The following E2F2 variants were observed in gnomAD, a reference collection of about 807,000 sequenced individuals.
The protein encoded by E2F2 is transcription factor E2F2.
In E2F2, 22 loss-of-function variants were observed where a neutral mutation model predicts 42.2. That is an observed-to-expected ratio of 0.52 (90% confidence interval 0.37 to 0.74). E2F2 has a LOEUF of 0.74. Ranked by LOEUF, E2F2 falls within the 30% of genes least tolerant of loss-of-function variation. E2F2 has a pLI of 0.00. For missense variants in E2F2, 481 were observed against 557.8 expected, an observed-to-expected ratio of 0.86 and a Z score of 1.39; for synonymous variants, 248 against 251.6, an observed-to-expected ratio of 0.99 and a Z score of 0.13.
At chr1:23,525,691 C>T (rs972274962) in intron 1 of E2F2, among the ~76,000 whole-genome samples, 2 of 152,178 alleles carry the variant, frequency 1.3e-5, no homozygotes, top group Non-Finnish European at 2.9e-5. Context: ...AGCTCCTGCT[C>T]CTTTAACTTC....
rs1441882697 is a variant in E2F2, at chr1:23,516,500, T to C, written c.880A>G (p.Thr294Ala). 1.9e-6 allele frequency: 3 copies of C among 1,607,848 alleles called. No homozygotes were observed. Among genetic ancestry groups the C allele is most frequent in the Non-Finnish European group, 2.5e-6 (3 of 1,177,528 alleles). Residue 294 changes from threonine (T) to alanine (A), a missense_variant, in exon 6 of 7, where the codon ACC becomes GCC. Thr to Ala is a moderately conservative substitution (Grantham distance 58). Transcript: ENST00000361729. Reference sequence around the variant, plus strand: ...AGGTAGACTTCGATGGGCCCTTGGGTGCTCTTGAGATATATCTGCAGGTTG... The same window carrying C: ...AGGTAGACTTCGATGGGCCCTTGGGCGCTCTTGAGATATATCTGCAGGTTG... ...EDNLQIYLKSTQGPIEVYLCP... is the reference protein window; with the variant it reads ...EDNLQIYLKSAQGPIEVYLCP...
In E2F2 at chr1:23,516,420, A is replaced by G; in HGVS notation, c.960T>C (p.Ser320=). The change falls in exon 6 of 7, where the codon TCT becomes TCC. Residue 320 remains serine (S), a synonymous_variant. Transcript: ENST00000361729. ...CAGGGCTGGGGCAGAGGGTGGAGGT[A>G]GAGGGGAGAGGCTCCTCGGAAGGAC... ...PDSPSEEPLP[S]TSTLCPSPDS... 6.2e-7 allele frequency: 1 copy of G among 1,601,298 alleles called. No homozygotes were observed. The highest frequency in any genetic ancestry group is 8.5e-7 in the Non-Finnish European group (1 of 1,174,484).
intron 1 of E2F2, among the ~76,000 whole-genome samples, chr1:23,525,193 C>G (rs977877905): frequency 4.0e-5 from 6 of 151,110 alleles, no homozygotes; most frequent in African/African-American, 1.2e-4. Context: ...AGGCCACCCC[C>G]CCCCTCCAGC....
At chr1:23,512,781 ACCAGGC>A (rs1437623185) in intron 6 of E2F2, among the ~76,000 whole-genome samples, 1 of 150,420 alleles carries the variant, frequency 6.6e-6, no homozygotes, top group African/African-American at 2.4e-5. Context: ...CTAAAACAGC[ACCAGGC>A]CCAGCTCAGT....
intron 6 of E2F2, among the ~76,000 whole-genome samples, chr1:23,515,427 G>A (rs1263044057): frequency 6.6e-6 from 1 of 152,172 alleles, no homozygotes; most frequent in Non-Finnish European, 1.5e-5. Flanking sequence ...GCCTTGTGGA[G>A]AGAGCACTGG....
chr1:23,526,521 C>T (rs1643252775), intron 1 of E2F2, among the ~76,000 whole-genome samples: 1 of 152,086 alleles, frequency 6.6e-6, no homozygotes, highest in Admixed American at 6.5e-5. Context: ...CCCAGCCACA[C>T]CTGTCTCCCC....
Position 23,519,010 on chromosome 1 carries a change from T to C in E2F2, c.852+6A>G, listed in dbSNP as rs763805688. On this transcript the variant is annotated splice_donor_region_variant and intron_variant, in intron 5 of 6. Coordinates refer to ENST00000361729, the MANE Select transcript of E2F2 (RefSeq NM_004091.4). Reference sequence around the variant, plus strand: ...CCTGCTCTCCACCAAATATTTCCCCTCTCACCTCAGTCCTGTCGGGCACTT... The same window carrying C: ...CCTGCTCTCCACCAAATATTTCCCCCCTCACCTCAGTCCTGTCGGGCACTT... 6.2e-7 allele frequency: 1 copy of C among 1,612,008 alleles called. No homozygotes were observed. The highest frequency in any genetic ancestry group is 1.7e-5 in the Admixed American group (1 of 59,910).
intron 1 of E2F2, among the ~76,000 whole-genome samples, chr1:23,526,851 GCACACACACACACA>G (rs3221150): frequency 2.0e-5 from 3 of 148,830 alleles, no homozygotes; most frequent in South Asian, 4.3e-4. Flanking sequence ...GCATGTACTT[GCACACACACACACA>G]CACACACACA....
chr1:23,509,906 C>CGTA lies in E2F2; in HGVS notation c.1285_1287dup (p.Tyr429dup). The stretch of plus-strand genomic sequence containing the variant: ...CAATTAATCAACAGGTCCCCAAGGT[C>CGTA]GTAGGAGTCGAAGAGATCGCTGATG... On this transcript the variant is annotated inframe_insertion, in exon 7 of 7. Coordinates refer to ENST00000361729, the MANE Select transcript of E2F2 (RefSeq NM_004091.4). 2 of 1,573,252 alleles carry CGTA rather than the reference C, an allele frequency of 1.3e-6. No homozygotes were observed. The highest frequency in any genetic ancestry group is 1.7e-6 in the Non-Finnish European group (2 of 1,157,212).
intron 6 of E2F2, among the ~76,000 whole-genome samples, chr1:23,512,404 T>C (rs984146679): frequency 6.6e-6 from 1 of 151,940 alleles, no homozygotes; most frequent in Non-Finnish European, 1.5e-5. Flanking sequence ...GTTACCCCTA[T>C]TTACAGATGA....
At chr1:23,525,756 G>A (rs1643239931) in intron 1 of E2F2, among the ~76,000 whole-genome samples, 2 of 152,198 alleles carry the variant, frequency 1.3e-5, no homozygotes, top group Admixed American at 1.3e-4. Context: ...GAAACACAGA[G>A]TCCCTTCCCT....
chr1:23,526,647 C>G (rs914861603), intron 1 of E2F2, among the ~76,000 whole-genome samples: 3 of 152,144 alleles, frequency 2.0e-5, no homozygotes, highest in African/African-American at 7.2e-5. Context: ...CTCTCGGAAG[C>G]CAAAAAATGG....
intron 1 of E2F2, among the ~76,000 whole-genome samples, chr1:23,529,376 G>T (rs1643302162): frequency 6.6e-6 from 1 of 152,190 alleles, no homozygotes; most frequent in Non-Finnish European, 1.5e-5. Flanking sequence ...CATGGGCAAA[G>T]CCTGAGTCCA....
Position 23,510,151 on chromosome 1 carries a change from G to A in E2F2, c.1046-3C>T. The A allele has an allele frequency of 6.3e-7, 1 of 1,589,736 alleles. No individual in the cohort carries two copies. ...GGGGGTTGGCGCTGGTGCTGGCACT[G>A]GAGACAAACAGACAAAGGTTACGCC... On this transcript the variant is annotated splice_polypyrimidine_tract_variant and splice_region_variant and intron_variant, in intron 6 of 6. Coordinates refer to ENST00000361729, the MANE Select transcript of E2F2 (RefSeq NM_004091.4).
intron 6 of E2F2, among the ~76,000 whole-genome samples, chr1:23,514,742 CAGG>C (rs374043972): frequency 1.3e-3 from 188 of 145,158 alleles, no homozygotes; most frequent in African/African-American, 4.4e-3. Flanking sequence ...GAGGCTGAGG[CAGG>C]AGAATTGATT....
In E2F2 at chr1:23,516,321, G is replaced by C. The variant is rs1643015748; in HGVS notation, c.1045+14C>G. The C allele has an allele frequency of 6.6e-7, 1 of 1,503,840 alleles. No individual in the cohort carries two copies. The highest frequency in any genetic ancestry group is 1.4e-5 in the African/African-American group (1 of 69,956). 93.2% of individuals were successfully genotyped at this position (1,503,840 alleles called of 1,614,324 possible). A position where few individuals can be genotyped will look rare whatever the true frequency, so the allele number is the denominator to read the frequency against. On this transcript the variant is annotated intron_variant, in intron 6 of 6. Coordinates refer to ENST00000361729, the MANE Select transcript of E2F2 (RefSeq NM_004091.4). ...TCTCCCCCCACCTCCTGTCCCTCTG[G>C]ACAAGGGACCTACCTGAGGATGCTG...
chr1:23,519,352 C>A, intron 4 of E2F2: 1 of 347,592 alleles, frequency 2.9e-6, no homozygotes, highest in Non-Finnish European at 5.2e-6. Flanking sequence ...TGTTGCCTTA[C>A]ATTATAAATC....
chr1:23,531,000 C>T lies in E2F2; in HGVS notation c.-207G>A. On this transcript the variant is annotated 5_prime_UTR_variant, in exon 1 of 7. Transcript: ENST00000361729. The surrounding 1 kb of genome is among the most constrained non-coding windows in gnomAD (Gnocchi z 4.4). ...CGCTTAGAGATCGCCGCTTGGAGATCGCCCGGCGGCTGCGGTGGTGGCACT... is the reference window on the plus strand; with the variant it reads ...CGCTTAGAGATCGCCGCTTGGAGATTGCCCGGCGGCTGCGGTGGTGGCACT... 1.9e-6 allele frequency: 1 copy of T among 529,938 alleles called. No individual in the cohort carries two copies. The highest frequency in any genetic ancestry group is 3.0e-6 in the Non-Finnish European group (1 of 332,160). 32.8% of individuals were successfully genotyped at this position (529,938 alleles called of 1,614,324 possible).
At chr1:23,506,178 T>A (rs180746727), downstream of E2F2, among the ~76,000 whole-genome samples, 117 of 152,250 alleles carry the variant, frequency 7.7e-4, no homozygotes, top group Non-Finnish European at 2.8e-4. Context: ...GCAAGACCTT[T>A]CAGGAAGCTG....
Sources: gnomAD v4.1 joint callset for allele counts (sites outside exome capture counted in the v4.1 genomes callset) on GRCh38, gnomAD v4.1.1 for gene constraint, Gnocchi (gnomAD v3.1) non-coding constraint, MANE v1.5 for transcripts, NCBI Gene and HGNC (gene_info 2026-07-23, HGNC 2026-07-21) for gene names.